SLC2A13: variants seen among roughly 807,000 people sequenced by gnomAD.
The protein encoded by SLC2A13 is proton myo-inositol cotransporter.
A neutral mutation model predicts 64.4 loss-of-function variants in SLC2A13; 32 were observed. The ratio of observed to expected loss-of-function variants is 0.50; its 90% CI spans 0.37 to 0.67. The LOEUF is 0.67. Among genes scored for constraint, SLC2A13 ranks in the 30% least tolerant of loss-of-function variants. The pLI is 0.00. For synonymous variants in SLC2A13, 338 were observed against 327.1 expected, an observed-to-expected ratio of 1.03 and a Z score of -0.36; for missense variants, 743 against 829.2, an observed-to-expected ratio of 0.90 and a Z score of 1.28.
intron 7 of SLC2A13, among the ~76,000 whole-genome samples, chr12:39,775,261 G>A (rs1195365575): frequency 6.6e-6 from 1 of 152,190 alleles, no homozygotes; most frequent in Non-Finnish European, 1.5e-5. Flanking sequence ...GGGCCACAAA[G>A]GTTGGTCTGG....
chr12:40,030,959 C>T (rs1441149106), intron 2 of SLC2A13, among the ~76,000 whole-genome samples: 1 of 152,116 alleles, frequency 6.6e-6, no homozygotes, highest in Non-Finnish European at 1.5e-5. Context: ...ATTAAAGCTT[C>T]TTTCTAGAGA....
intron 7 of SLC2A13, among the ~76,000 whole-genome samples, chr12:39,780,175 C>A (rs1940930169): frequency 6.6e-6 from 1 of 151,960 alleles, no homozygotes; most frequent in African/African-American, 2.4e-5. Flanking sequence ...CAATTCAAAG[C>A]AATAGCATCA....
intron 4 of SLC2A13, among the ~76,000 whole-genome samples, chr12:39,876,475 G>A (rs1435832218): frequency 6.6e-6 from 1 of 152,038 alleles, no homozygotes; most frequent in Non-Finnish European, 1.5e-5. Flanking sequence ...TAAAATAATT[G>A]TCTGCTGGTT....
In SLC2A13 at chr12:40,018,935, C is replaced by A. The variant is rs571309452; in HGVS notation, c.925+9366G>T. Among the ~76,000 whole-genome samples the A allele has an allele frequency of 2.0e-5, 3 of 152,192 alleles. No individual in the cohort carries two copies. In the East Asian group the frequency reaches 5.8e-4, roughly 29 times the overall value. On this transcript the variant is annotated intron_variant, in intron 3 of 9. Transcript: ENST00000280871. ...GGAGTCTGGGCACTACTGAAATAAA[C>A]CTGGAAAGATACATTCAAACAAGAT...
intron 7 of SLC2A13, chr12:39,788,525 A>C (rs1431759112): frequency 2.0e-5 from 3 of 152,122 alleles, no homozygotes; most frequent in African/African-American, 7.2e-5. Flanking sequence ...CACAATTTAA[A>C]ACTTATAATT....
chr12:40,075,999 C>T (rs1292204353), intron 1 of SLC2A13, among the ~76,000 whole-genome samples: 2 of 152,112 alleles, frequency 1.3e-5, no homozygotes, highest in East Asian at 3.8e-4. Flanking sequence ...ATCACAGTTA[C>T]CAAAGCCAAT....
intron 7 of SLC2A13, among the ~76,000 whole-genome samples, chr12:39,823,603 G>A (rs574921321): frequency 1.4e-5 from 2 of 148,020 alleles, no homozygotes; most frequent in South Asian, 4.3e-4. Context: ...ATAATCTTTA[G>A]CCAGGATGAT....
chr12:40,008,360 C>T (rs1947460588), intron 3 of SLC2A13, among the ~76,000 whole-genome samples: 1 of 152,148 alleles, frequency 6.6e-6, no homozygotes, highest in Non-Finnish European at 1.5e-5. Flanking sequence ...GTAATCCCAG[C>T]ACTTTGGAAG....
chr12:39,850,901 A>G (rs568597658), intron 6 of SLC2A13, among the ~76,000 whole-genome samples: 2 of 151,726 alleles, frequency 1.3e-5, no homozygotes, highest in Non-Finnish European at 2.9e-5. Context: ...CCACAAAGTT[A>G]ATTTTTTTTT....
chr12:39,771,969 TACTGTCAGTATCTACC>T (rs1245197370), intron 7 of SLC2A13, among the ~76,000 whole-genome samples: 6 of 152,146 alleles, frequency 3.9e-5, no homozygotes, highest in African/African-American at 1.4e-4. Context: ...TCTTGATATC[TACTGTCAGTATCTACC>T]ATCAATTCCT....
chr12:39,896,135 C>T (rs1319898367), intron 4 of SLC2A13, among the ~76,000 whole-genome samples: 1 of 140,138 alleles, frequency 7.1e-6, no homozygotes, highest in South Asian at 2.2e-4. Context: ...TATGTATACA[C>T]GTGTACCTAT....
chr12:39,990,591 G>A (rs1238771714), intron 3 of SLC2A13, among the ~76,000 whole-genome samples: 1 of 152,168 alleles, frequency 6.6e-6, no homozygotes, highest in Non-Finnish European at 1.5e-5. Flanking sequence ...CACCCATAGT[G>A]CTGAACAGTG....
chr12:40,062,755 A>G (rs1431060999), intron 1 of SLC2A13, among the ~76,000 whole-genome samples: 1 of 152,160 alleles, frequency 6.6e-6, no homozygotes, highest in Non-Finnish European at 1.5e-5. Context: ...ATTTTCCTCA[A>G]ATCTTCGAGG....
intron 4 of SLC2A13, among the ~76,000 whole-genome samples, chr12:39,883,894 C>G (rs1944406279): frequency 6.6e-6 from 1 of 152,174 alleles, no homozygotes; most frequent in Admixed American, 6.6e-5. Flanking sequence ...CACGTAGAAT[C>G]TCATCTATTA....
At chr12:39,980,917 G>C (rs1254549144) in intron 3 of SLC2A13, among the ~76,000 whole-genome samples, 3 of 151,942 alleles carry the variant, frequency 2.0e-5, no homozygotes, top group East Asian at 3.9e-4. Flanking sequence ...TGACCACATA[G>C]TTGGAAGGAA....
chr12:39,864,375 G>A (rs1400067344), intron 6 of SLC2A13, among the ~76,000 whole-genome samples: 1 of 152,202 alleles, frequency 6.6e-6, no homozygotes, highest in Non-Finnish European at 1.5e-5. Flanking sequence ...CAGAGGGCAT[G>A]TGCATCTTGT....
At chr12:39,890,564 C>T (rs754972534) in intron 4 of SLC2A13, among the ~76,000 whole-genome samples, 22 of 152,128 alleles carry the variant, frequency 1.4e-4, no homozygotes, top group Non-Finnish European at 2.9e-4. Flanking sequence ...TATCTGACCT[C>T]TGTCAGATTT....
intron 7 of SLC2A13, among the ~76,000 whole-genome samples, chr12:39,774,792 T>TTAGATG: frequency 6.6e-6 from 1 of 152,298 alleles, no homozygotes; most frequent in Non-Finnish European, 1.5e-5. Context: ...ATATTATTTA[T>TTAGATG]CTATAAATCA....
At chr12:40,023,310 GA>G in intron 3 of SLC2A13, among the ~76,000 whole-genome samples, 1 of 152,346 alleles carries the variant, frequency 6.6e-6, no homozygotes, top group Admixed American at 6.5e-5. Context: ...GAGGATGACA[GA>G]GATGGTGCCT....
Sources: allele counts gnomAD v4.1 joint callset (sites outside exome capture counted in the v4.1 genomes callset), GRCh38; gene constraint gnomAD v4.1.1; transcripts MANE v1.5; gene names NCBI Gene and HGNC (gene_info 2026-07-23, HGNC 2026-07-21).